The following RNF103 variants were observed in gnomAD, a reference collection of about 807,000 sequenced individuals.
RNF103 encodes E3 ubiquitin-protein ligase RNF103.
A neutral mutation model predicts 66.2 loss-of-function variants in RNF103; 23 were observed. The observed-to-expected ratio is 0.35, with a 90% CI of 0.25 to 0.49. The LOEUF (loss-of-function observed/expected upper bound fraction) is 0.49. Ranked by LOEUF, RNF103 falls within the 20% of genes least tolerant of loss-of-function variation. RNF103 has a pLI of 0.98. For missense variants in RNF103, 730 were observed against 814.7 expected (o/e 0.90, Z 1.27); for synonymous variants, 297 against 289.9 (o/e 1.02, Z -0.25).
At chr2:86,606,053 A>G (rs1254928444) in intron 3 of RNF103, among the ~76,000 whole-genome samples, 1 of 152,248 alleles carries the variant, frequency 6.6e-6, no homozygotes, top group Non-Finnish European at 1.5e-5. Context: ...AAGCCAACCA[A>G]GAAAAGAGCA....
At chr2:86,613,012 C>T (rs377375017) in intron 2 of RNF103, 2 of 152,242 alleles carry the variant, frequency 1.3e-5, no homozygotes, top group East Asian at 3.8e-4. Flanking sequence ...GTAATCCCAA[C>T]ATGTTGGGAG....
In RNF103 at chr2:86,623,238, G is replaced by C. The variant is rs1679303172; in HGVS notation, c.-352C>G. The stretch of plus-strand genomic sequence containing the variant: ...GAACAAAACGAGGGACGCTTCCCCC[G>C]GGGCGGGCACTGACCCAGGTGGCGG... On this transcript the variant is annotated 5_prime_UTR_variant, in exon 1 of 4. Coordinates refer to ENST00000237455, the MANE Select transcript of RNF103 (RefSeq NM_005667.4). 18 of 1,009,400 alleles carry C rather than the reference G, an allele frequency of 1.8e-5. No homozygotes were observed. The South Asian group carries it at 6.9e-4, about 38-fold the overall frequency. The allele number at this position is 1,009,400 out of a possible 1,614,324, so 62.5% of individuals were successfully genotyped here.
rs2104275778 is a variant in RNF103, at chr2:86,623,722, C to T, written c.-836G>A. 1.6e-6 allele frequency: 2 copies of T among 1,255,366 alleles called. No individual in the cohort carries two copies. Among genetic ancestry groups the T allele is most frequent in the Non-Finnish European group, 2.1e-6 (2 of 974,592 alleles). The allele number at this position is 1,255,366 out of a possible 1,614,324, so 77.8% of individuals were successfully genotyped here. A position where few individuals can be genotyped will look rare whatever the true frequency, so the allele number is the denominator to read the frequency against. On this transcript the variant is annotated 5_prime_UTR_variant, in exon 1 of 4. Transcript: ENST00000237455. ...CTCCAGGCGGCTACCCGGCTGCCTC[C>T]CGGCCACTCAGCGCCCGTCCCGCTC...
chr2:86,613,882 C>T (rs1189484830), intron 2 of RNF103: 3 of 152,088 alleles, frequency 2.0e-5, no homozygotes, highest in Non-Finnish European at 4.4e-5. Flanking sequence ...AAGTTTGAAG[C>T]TTAATGAATA....
At position 86,604,961 on chromosome 2, in the gene RNF103, A is replaced by C; in HGVS notation, c.940T>G (p.Ser314Ala). ...TCGGGTTGTAATGAGCGCAAAAATG[A>C]ATCCATGGCCTGAAGGGATATAAAT... The part of the protein sequence containing the change: ...GEFISLQAMD[S>A]FLRSLQPEVN... Residue 314 changes from serine to alanine, a missense_variant, in exon 4 of 4, where the codon TCA (serine) becomes GCA (alanine). Around this residue, in one of 3 missense-constraint regions of RNF103, gnomAD observed 48 missense variants for 93.0 expected, o/e 0.52. Coordinates refer to ENST00000237455, the MANE Select transcript of RNF103 (RefSeq NM_005667.4). 6.2e-7 allele frequency: 1 copy of C among 1,614,136 alleles called. No individual in the cohort carries two copies. Among genetic ancestry groups the C allele is most frequent in the Non-Finnish European group, 8.5e-7 (1 of 1,180,018 alleles).
At position 86,620,456 on chromosome 2, in the gene RNF103, C is replaced by T. The variant is rs1679186176; in HGVS notation, c.240G>A (p.Glu80=). The change falls in exon 2 of 4, where the codon GAG becomes GAA. Residue 80 remains glutamate (E), a synonymous_variant. Transcript: ENST00000237455. ...CCTTGAGAGCAGAATAGAGCTCACC[C>T]TCCATCAAGTCACCTGAAGAAAGGA... is the stretch of plus-strand genomic sequence containing the variant. ...ELVEKSGDLM[E]GELYSALKEE... is the part of the protein sequence containing the mutation. 1 of 1,582,822 alleles carries T rather than the reference C, an allele frequency of 6.3e-7. No homozygotes were observed. The highest frequency in any genetic ancestry group is 1.7e-5 in the Admixed American group (1 of 58,658).
intron 2 of RNF103, among the ~76,000 whole-genome samples, chr2:86,619,454 C>T (rs150611887): frequency 6.6e-6 from 1 of 152,318 alleles, no homozygotes; most frequent in East Asian, 1.9e-4. Context: ...CAAGCTACTT[C>T]ACCTCTCAGA....
rs1561253 is a variant in RNF103, at chr2:86,605,271, T to C, written c.630A>G (p.Ala210=). Reference sequence around the variant, plus strand: ...TATAAATGGTTTTGATCCGAGAAGCTGCATGAGCAGTTATCCATTTAAAAA... The same window carrying C: ...TATAAATGGTTTTGATCCGAGAAGCCGCATGAGCAGTTATCCATTTAAAAA... ...EHIFKWITAH[A]ASRIKTIYNA... The change falls in exon 4 of 4, where the codon GCA becomes GCG. Residue 210 remains alanine (A), a synonymous_variant. Transcript: ENST00000237455. 0.014 allele frequency: 22,459 copies of C among 1,614,126 alleles called. 2,604 individuals carry two copies. In the African/African-American group the frequency reaches 0.26, roughly 18 times the overall value.
chr2:86,621,922 G>C (rs917339997), intron 1 of RNF103, among the ~76,000 whole-genome samples: 1 of 152,116 alleles, frequency 6.6e-6, no homozygotes, highest in Non-Finnish European at 1.5e-5. Context: ...TTAAGACATT[G>C]AATATTCTCT....
chr2:86,606,684 A>G (rs186010985), intron 3 of RNF103, among the ~76,000 whole-genome samples: 3,992 of 147,902 alleles, frequency 0.027, 111 homozygotes, highest in East Asian at 0.11. Context: ...AAAAAAAAAA[A>G]AAAGAAAGAA....
chr2:86,612,427 T>G, intron 2 of RNF103, 153 bp from the exon 3 acceptor site: 2 of 558,894 alleles, frequency 3.6e-6, no homozygotes, highest in Non-Finnish European at 3.1e-6. Flanking sequence ...ACAATTCTTA[T>G]AGAAGGAGCA....
At chr2:86,613,547 A>AT (rs1413704934) in intron 2 of RNF103, 1 of 152,214 alleles carries the variant, frequency 6.6e-6, no homozygotes, top group Non-Finnish European at 1.5e-5. Flanking sequence ...AAATTACAAC[A>AT]TAATACTCTG....
Position 86,604,660 on chromosome 2 carries a change from GAGTAAAACATCC to G in RNF103, c.1229_1240del (p.Trp410_Tyr413del). The G allele has an allele frequency of 6.2e-7, 1 of 1,614,188 alleles. No individual in the cohort carries two copies. The highest frequency in any genetic ancestry group is 8.5e-7 in the Non-Finnish European group (1 of 1,180,040). ...ACTGAGAAACAGGGCTGGGTGTGAA[GAGTAAAACATCC>G]AGTCTGCCCTTACCCATGAAGCCAG... On this transcript the variant is annotated inframe_deletion, in exon 4 of 4. Transcript: ENST00000237455.
intron 3 of RNF103, among the ~76,000 whole-genome samples, chr2:86,608,673 A>G (rs960964618): frequency 1.7e-4 from 26 of 151,908 alleles, no homozygotes; most frequent in African/African-American, 5.8e-4. Context: ...CACTCTTGCC[A>G]TAAGGCTTCC....
intron 1 of RNF103, among the ~76,000 whole-genome samples, chr2:86,620,886 T>C (rs995469137): frequency 6.6e-6 from 1 of 152,258 alleles, no homozygotes; most frequent in East Asian, 1.9e-4. Context: ...TTAAAAGATG[T>C]AGAATTGGGT....
intron 2 of RNF103, among the ~76,000 whole-genome samples, chr2:86,619,564 T>C (rs947550383): frequency 1.4e-4 from 21 of 152,240 alleles, no homozygotes; most frequent in Non-Finnish European, 3.1e-4. Context: ...TTACTTGATA[T>C]GTCACTTTGA....
chr2:86,619,107 C>A (rs990971674), intron 2 of RNF103, among the ~76,000 whole-genome samples: 4 of 152,132 alleles, frequency 2.6e-5, no homozygotes, highest in African/African-American at 9.7e-5. Context: ...GACTACAGTA[C>A]CATTTTATCC....
chr2:86,604,496 G>A lies in RNF103; in HGVS notation c.1405C>T (p.Pro469Ser), dbSNP rs1481613185. The A allele has an allele frequency of 3.1e-6, 5 of 1,614,106 alleles. No homozygotes were observed. The highest frequency in any genetic ancestry group is 3.4e-6 in the Non-Finnish European group (4 of 1,180,050). Reference sequence around the variant, plus strand: ...GGAAAGTTCTGAAAAGAAGCAATCGGGTGGAAGAGGTAGCTGGTGTACCAG... The same window carrying A: ...GGAAAGTTCTGAAAAGAAGCAATCGAGTGGAAGAGGTAGCTGGTGTACCAG... ...WDWYTSYLFH[P>S]IASFQNFPVE... is the part of the protein sequence containing the mutation. The change falls in exon 4 of 4, where the codon CCG becomes TCG. Residue 469 changes from proline (P) to serine (S), a missense_variant. Around this residue, in one of 3 missense-constraint regions of RNF103, gnomAD observed 355 missense variants for 351.9 expected, o/e 1.01. Coordinates refer to ENST00000237455, the MANE Select transcript of RNF103 (RefSeq NM_005667.4).
intron 2 of RNF103, chr2:86,618,017 G>C (rs1422606067): frequency 2.2e-6 from 1 of 457,880 alleles, no homozygotes; most frequent in South Asian, 1.6e-5. Flanking sequence ...AGCATCACTG[G>C]AAAAATTAAG....
Sources: gnomAD v4.1 joint callset for allele counts (sites outside exome capture counted in the v4.1 genomes callset) on GRCh38, gnomAD v4.1.1 for gene constraint, gnomAD v4.1.1 regional missense constraint, MANE v1.5 for transcripts, NCBI Gene and HGNC (gene_info 2026-07-23, HGNC 2026-07-21) for gene names.